TMEM266: variants seen among roughly 807,000 people sequenced by gnomAD.
TMEM266 encodes transmembrane protein 266, also known as Hv1 related protein 1.
In TMEM266, 33 loss-of-function variants were observed where a neutral mutation model predicts 50.5. The observed-to-expected ratio is 0.65, with a 90% CI of 0.50 to 0.87. The LOEUF is 0.87. Among genes scored for constraint, TMEM266 ranks in the 40% least tolerant of loss-of-function variants. The pLI, the probability that TMEM266 is intolerant of heterozygous loss-of-function variation, is 0.00. For missense variants in TMEM266, 655 were observed against 695.1 expected, an observed-to-expected ratio of 0.94 and a Z score of 0.65; for synonymous variants, 310 against 292.3, an observed-to-expected ratio of 1.06 and a Z score of -0.62.
chr15:76,137,572 G>C, intron 2 of TMEM266, 135 bp from the exon 3 acceptor site: 1 of 851,198 alleles, frequency 1.2e-6, no homozygotes, highest in Non-Finnish European at 1.9e-6. Context: ...GTGGCCAGCA[G>C]GGAAGAGGGG....
intron 1 of TMEM266, among the ~76,000 whole-genome samples, chr15:76,109,448 C>T (rs190547613): frequency 3.3e-5 from 5 of 152,300 alleles, no homozygotes; most frequent in Admixed American, 6.5e-5. Context: ...GATAATTAAA[C>T]ATTTTTAAAG....
Position 76,093,573 on chromosome 15 carries a change from T to TA in TMEM266, c.-97+33558dup, listed in dbSNP as rs1263775068. Among the ~76,000 whole-genome samples the TA allele has an allele frequency of 2.6e-5, 4 of 152,136 alleles. 1 individual carries two copies. Among genetic ancestry groups the TA allele is most frequent in the Non-Finnish European group, 5.9e-5 (4 of 68,006 alleles). ...ATTGTGAATAGTGCTGCAATAAACA[T>TA]ACGTGTGCATGTGTCTTTATAGTAG... is the stretch of plus-strand genomic sequence containing the variant. On this transcript the variant is annotated intron_variant, in intron 1 of 10. Coordinates refer to ENST00000388942, the MANE Select transcript of TMEM266 (RefSeq NM_152335.3).
At position 76,204,487 on chromosome 15, in the gene TMEM266, C is replaced by T; in HGVS notation, c.*172C>T. 3 of 583,694 alleles carry T rather than the reference C, an allele frequency of 5.1e-6. No homozygotes were observed. The South Asian group carries it at 8.2e-5, about 16-fold the overall frequency. 36.2% of individuals were successfully genotyped at this position (583,694 alleles called of 1,614,324 possible). A position where few individuals can be genotyped will look rare whatever the true frequency, so the allele number is the denominator to read the frequency against. On this transcript the variant is annotated 3_prime_UTR_variant, in exon 11 of 11. Transcript: ENST00000388942. ...AGGCCAGGAGGCCACAAGCTTCAGA[C>T]CTCAAAGCCCAGAGCTGGCGCCTCT...
intron 1 of TMEM266, among the ~76,000 whole-genome samples, chr15:76,109,702 CTTTCT>C (rs1267402680): frequency 6.7e-6 from 1 of 148,184 alleles, no homozygotes; most frequent in Non-Finnish European, 1.5e-5. Flanking sequence ...TTTCTTTTTT[CTTTCT>C]TTTCTTTTTT....
chr15:76,194,193 G>A (rs1228927927), intron 9 of TMEM266, among the ~76,000 whole-genome samples: 1 of 152,204 alleles, frequency 6.6e-6, no homozygotes, highest in Non-Finnish European at 1.5e-5. Context: ...TTGTAGCCTC[G>A]TGCAGAACTT....
At chr15:76,172,138 G>A (rs1350147670) in intron 7 of TMEM266, among the ~76,000 whole-genome samples, 2 of 152,198 alleles carry the variant, frequency 1.3e-5, no homozygotes, top group African/African-American at 2.4e-5. Context: ...CCAGGAGGTT[G>A]TATAGACAGT....
intron 7 of TMEM266, chr15:76,174,984 T>C (rs925211883): frequency 6.5e-6 from 1 of 152,812 alleles, no homozygotes; most frequent in African/African-American, 2.4e-5. Context: ...TTATGAATGC[T>C]CATGTGCGAG....
At position 76,156,714 on chromosome 15, in the gene TMEM266, T is replaced by G. The variant is rs1387952651; in HGVS notation, c.338T>G (p.Ile113Ser). Reference protein sequence around the residue: ...VVILLTLELLIDIKLLQFSSA... With the variant: ...VVILLTLELLSDIKLLQFSSA... ...GTAGCCTGTGTAATATTGGTGGTGA[T>G]TCTCCTGACTCTGGAACTTCTAATA... Residue 113 changes from isoleucine to serine, a missense_variant, in exon 4 of 11, where the codon ATT becomes AGT. Physicochemically the swap from Ile to Ser is moderately radical, Grantham distance 142 (BLOSUM62 -2). Around this residue, in one of 3 missense-constraint regions of TMEM266, gnomAD observed 101 missense variants for 182.6 expected, o/e 0.55. Coordinates refer to ENST00000388942, the MANE Select transcript of TMEM266 (RefSeq NM_152335.3). 3.7e-6 allele frequency: 6 copies of G among 1,614,240 alleles called. No individual in the cohort carries two copies. The highest frequency in any genetic ancestry group is 5.1e-6 in the Non-Finnish European group (6 of 1,180,030).
intron 1 of TMEM266, among the ~76,000 whole-genome samples, chr15:76,062,924 A>G (rs747528457): frequency 2.0e-5 from 3 of 152,224 alleles, no homozygotes; most frequent in African/African-American, 7.2e-5. Flanking sequence ...TGAAACTCAC[A>G]TGTCTGTGGT....
chr15:76,108,159 G>A (rs552804869), intron 1 of TMEM266, among the ~76,000 whole-genome samples: 1 of 152,360 alleles, frequency 6.6e-6, no homozygotes, highest in Admixed American at 6.5e-5. Flanking sequence ...ATGCTCTGTC[G>A]TGACAACTTG....
In TMEM266 at chr15:76,156,639, C is replaced by T. The variant is rs780436455; in HGVS notation, c.263C>T (p.Ala88Val). 6.2e-7 allele frequency: 1 copy of T among 1,614,142 alleles called. No homozygotes were observed. The change falls in exon 4 of 11, where the codon GCA becomes GTA. Residue 88 changes from alanine (A) to valine (V), a missense_variant. By Grantham distance (64) the Ala-to-Val change is moderately conservative. This residue lies in a region of TMEM266 where 99 missense variants were observed against 110.8 expected (regional missense o/e 0.89). Transcript: ENST00000388942. Reference sequence around the variant, plus strand: ...CTGAAGCCGTGCTGTGGGAAGAGAGCAGCCGTGTGGCAGGTATTTTTGCTC... The same window carrying T: ...CTGAAGCCGTGCTGTGGGAAGAGAGTAGCCGTGTGGCAGGTATTTTTGCTC...
chr15:76,081,917 C>T (rs1006118020), intron 1 of TMEM266, among the ~76,000 whole-genome samples: 1 of 152,156 alleles, frequency 6.6e-6, no homozygotes, highest in African/African-American at 2.4e-5. Flanking sequence ...GTGTTTTTTC[C>T]TCTAGGACCT....
intron 5 of TMEM266, among the ~76,000 whole-genome samples, chr15:76,167,041 A>T (rs1015336238): frequency 1.3e-5 from 2 of 152,216 alleles, no homozygotes; most frequent in African/African-American, 4.8e-5. Context: ...CCGTATTCCC[A>T]TCTTCCCAGC....
intron 6 of TMEM266, 114 bp from the exon 7 acceptor site, chr15:76,170,879 G>C: frequency 7.4e-7 from 1 of 1,352,876 alleles, no homozygotes; most frequent in Non-Finnish European, 9.9e-7. Context: ...TGGCCTTCTG[G>C]TGGGGGCCCG....
At position 76,204,657 on chromosome 15, in the gene TMEM266, C is replaced by A. The variant is rs986069316; in HGVS notation, c.*342C>A. The A allele has an allele frequency of 6.5e-5, 13 of 199,766 alleles. No homozygotes were observed. Among genetic ancestry groups the A allele is most frequent in the Non-Finnish European group, 1.2e-4 (12 of 97,440 alleles). The allele number at this position is 199,766 out of a possible 1,614,324, so 12.4% of individuals were successfully genotyped here. On this transcript the variant is annotated 3_prime_UTR_variant, in exon 11 of 11. Transcript: ENST00000388942. ...TCTTGCGTTGCCTTCGTTCCTGACG[C>A]CCACCCTGGACTCTAGGGAACAGCA... is the stretch of plus-strand genomic sequence containing the variant.
At chr15:76,107,146 A>G (rs752502161) in intron 1 of TMEM266, among the ~76,000 whole-genome samples, 2 of 152,246 alleles carry the variant, frequency 1.3e-5, no homozygotes, top group Non-Finnish European at 2.9e-5. Flanking sequence ...AACAGGTAAA[A>G]ATAATTTTAA....
intron 1 of TMEM266, among the ~76,000 whole-genome samples, chr15:76,105,698 A>G (rs994331399): frequency 6.6e-6 from 1 of 152,162 alleles, no homozygotes; most frequent in African/African-American, 2.4e-5. Context: ...GCTCAAAGAG[A>G]TGGCAGGAAT....
At position 76,140,000 on chromosome 15, in the gene TMEM266, A is replaced by C. The variant is rs572177406; in HGVS notation, c.227+2105A>C. Among the ~76,000 whole-genome samples, 2 of 152,338 alleles carry C rather than the reference A, an allele frequency of 1.3e-5. No individual in the cohort carries two copies. The highest frequency in any genetic ancestry group is 4.1e-4 in the South Asian group (2 of 4,832). ...TGTATCACTCCCTAGCCTGAACCCC[A>C]AGGCTGGCAGAGGCTTTGCCTTATC... is the stretch of plus-strand genomic sequence containing the variant. On this transcript the variant is annotated intron_variant, in intron 3 of 10. Transcript: ENST00000388942. This position sits in a 1 kb window ranked among gnomAD's most constrained non-coding sequence, Gnocchi z 4.1.
intron 1 of TMEM266, among the ~76,000 whole-genome samples, chr15:76,122,979 T>G (rs973603442): frequency 4.1e-4 from 62 of 152,222 alleles, no homozygotes; most frequent in African/African-American, 1.5e-3. Flanking sequence ...TTTGATTTTG[T>G]GTAACCTTAT....
Sources: allele counts gnomAD v4.1 joint callset (sites outside exome capture counted in the v4.1 genomes callset), GRCh38; gene constraint gnomAD v4.1.1; regional missense constraint gnomAD v4.1.1; non-coding constraint Gnocchi (gnomAD v3.1); transcripts MANE v1.5; gene names NCBI Gene and HGNC (gene_info 2026-07-23, HGNC 2026-07-21).